The following KIF13A variants were observed in gnomAD, a reference collection of about 807,000 sequenced individuals.
KIF13A encodes kinesin-like protein KIF13A.
A neutral mutation model predicts 212.2 loss-of-function variants in KIF13A; 79 were observed. The ratio of observed to expected loss-of-function variants is 0.37; its 90% confidence interval spans 0.31 to 0.45. The LOEUF (loss-of-function observed/expected upper bound fraction) is 0.45. Among genes scored for constraint, KIF13A ranks in the 20% least tolerant of loss-of-function variants. The pLI is 1.00. For synonymous variants in KIF13A, 789 were observed against 808.6 expected (o/e 0.98, Z 0.41); for missense variants, 1,901 against 2,209.0 (o/e 0.86, Z 2.79).
chr6:17,852,040 C>T lies in KIF13A; in HGVS notation c.497G>A (p.Ser166Asn). The part of the protein sequence containing the change: ...KVRDLLDPKG[S>N]RQSLKVREHK... ...TTCTCGAACTTTAAGAGACTGTCTA[C>T]TCCTGCGGGAGGGAGGAAAAAGGAA... Residue 166 changes from serine to asparagine, a missense_variant and splice_region_variant, in exon 7 of 39, where the codon AGT (serine) becomes AAT (asparagine). This residue lies in a region of KIF13A where 506 missense variants were observed against 637.4 expected (regional missense o/e 0.79). Coordinates refer to ENST00000259711, the MANE Select transcript of KIF13A (RefSeq NM_022113.6). 6.7e-7 allele frequency: 1 copy of T among 1,488,094 alleles called. No individual in the cohort carries two copies. Among genetic ancestry groups the T allele is most frequent in the Non-Finnish European group, 8.9e-7 (1 of 1,117,790 alleles). The allele number at this position is 1,488,094 out of a possible 1,614,324, so 92.2% of individuals were successfully genotyped here. A position where few individuals can be genotyped will look rare whatever the true frequency, so the allele number is the denominator to read the frequency against.
At chr6:17,937,750 T>TG in intron 2 of KIF13A, among the ~76,000 whole-genome samples, 1 of 124,140 alleles carries the variant, frequency 8.1e-6, no homozygotes, top group Non-Finnish European at 1.7e-5. Flanking sequence ...TTTTTTGTTT[T>TG]TTTTTTTTTG....
intron 2 of KIF13A, among the ~76,000 whole-genome samples, chr6:17,923,790 T>C (rs1423060327): frequency 6.6e-6 from 1 of 152,206 alleles, no homozygotes; most frequent in East Asian, 1.9e-4. Flanking sequence ...TTTTCACCAG[T>C]GTCTGAGCTA....
At chr6:17,859,779 G>T (rs1221463638) in intron 4 of KIF13A, among the ~76,000 whole-genome samples, 1 of 151,458 alleles carries the variant, frequency 6.6e-6, no homozygotes, top group Non-Finnish European at 1.5e-5. Context: ...GGGATTACAG[G>T]TATGCAACAC....
chr6:17,848,431 A>G (rs1353088520), intron 9 of KIF13A, among the ~76,000 whole-genome samples: 1 of 151,984 alleles, frequency 6.6e-6, no homozygotes, highest in Non-Finnish European at 1.5e-5. Context: ...GCCCCTAGTA[A>G]CCACTATTCT....
rs769818117 is a variant in KIF13A, at chr6:17,850,382, G to A, written c.658C>T (p.Arg220Cys). 1.9e-6 allele frequency: 3 copies of A among 1,613,810 alleles called. No homozygotes were observed. Among genetic ancestry groups the A allele is most frequent in the South Asian group, 1.1e-5 (1 of 91,066 alleles). Residue 220 changes from arginine to cysteine, a missense_variant, in exon 8 of 39, where the codon CGC (arginine) becomes TGC (cysteine). Transcript: ENST00000259711. The surrounding 1 kb of genome is among the most constrained non-coding windows in gnomAD (Gnocchi z 6.2). The part of the protein sequence containing the change: ...AATNMNEESS[R>C]SHAVFNIIIT... ...ATGATGTTGAACACAGCATGGGAGC[G>A]GCTGCTTTCTTCGTTCATGTTGGTA...
chr6:17,939,922 G>A (rs1776801897), intron 2 of KIF13A, among the ~76,000 whole-genome samples: 1 of 151,636 alleles, frequency 6.6e-6, no homozygotes, highest in East Asian at 1.9e-4. Flanking sequence ...CGCCTATAGT[G>A]CCAGCTACTC....
chr6:17,786,201 A>G lies in KIF13A; in HGVS notation c.3362-560T>C, dbSNP rs1761040183. ...TCTCCTTAACCTGTCAAACAGGGAT[A>G]AAAGAAGTCGTATCTACTTCATGTA... is the stretch of plus-strand genomic sequence containing the variant. On this transcript the variant is annotated intron_variant, in intron 27 of 38. Transcript: ENST00000259711. This position sits in a 1 kb window ranked among gnomAD's most constrained non-coding sequence, Gnocchi z 5.4. Among the ~76,000 whole-genome samples the G allele has an allele frequency of 6.6e-6, 1 of 152,226 alleles. No individual in the cohort carries two copies. The highest frequency in any genetic ancestry group is 2.1e-4 in the South Asian group (1 of 4,830).
chr6:17,813,254 C>T (rs369413761), intron 17 of KIF13A, among the ~76,000 whole-genome samples: 74 of 152,176 alleles, frequency 4.9e-4, no homozygotes, highest in African/African-American at 1.6e-3. Context: ...CTGAGGCGGG[C>T]GGATCACCTG....
intron 2 of KIF13A, among the ~76,000 whole-genome samples, chr6:17,949,156 C>T (rs1354700056): frequency 1.3e-5 from 2 of 152,168 alleles, no homozygotes; most frequent in East Asian, 3.8e-4. Context: ...TACAAATTTG[C>T]ATTAGTCTCC....
rs531470405 is a variant in KIF13A, at chr6:17,809,359, G to A, written c.2001-429C>T. On this transcript the variant is annotated intron_variant, in intron 17 of 38. Transcript: ENST00000259711. This position sits in a 1 kb window ranked among gnomAD's most constrained non-coding sequence, Gnocchi z 4.7. The stretch of plus-strand genomic sequence containing the variant: ...TTCATGACTTCTGCAGTTGGCAAAA[G>A]GCATGCAATGGTAAGGTAGTTCTGC... Among the ~76,000 whole-genome samples the A allele has an allele frequency of 1.3e-5, 2 of 152,242 alleles. No individual in the cohort carries two copies. Among genetic ancestry groups the A allele is most frequent in the South Asian group, 4.1e-4 (2 of 4,822 alleles).
rs1021195393 is a variant in KIF13A at position 17,799,655 on chromosome 6, A to G, written c.2617-216T>C. Among the ~76,000 whole-genome samples, 7 of 152,198 alleles carry G rather than the reference A, an allele frequency of 4.6e-5. No individual in the cohort carries two copies. Among genetic ancestry groups the G allele is most frequent in the Non-Finnish European group, 5.9e-5 (4 of 68,036 alleles). On this transcript the variant is annotated intron_variant, in intron 21 of 38. Coordinates refer to ENST00000259711, the MANE Select transcript of KIF13A (RefSeq NM_022113.6). This position sits in a 1 kb window ranked among gnomAD's most constrained non-coding sequence, Gnocchi z 4.4. ...AGTATATAAACTTGGCAACAAATAC[A>G]CACATTCCTGCAAAAGCTTCCTAAT...
At chr6:17,905,096 T>C (rs907877926) in intron 2 of KIF13A, among the ~76,000 whole-genome samples, 1 of 152,240 alleles carries the variant, frequency 6.6e-6, no homozygotes, top group Non-Finnish European at 1.5e-5. Flanking sequence ...TTTGCAAACT[T>C]TCTTAAAACA....
intron 2 of KIF13A, among the ~76,000 whole-genome samples, chr6:17,948,919 C>T (rs1167144477): frequency 6.6e-6 from 1 of 151,888 alleles, no homozygotes; most frequent in Non-Finnish European, 1.5e-5. Context: ...TATGCAATAG[C>T]GAGTGAGCAT....
chr6:17,974,373 C>T (rs1230366693), intron 2 of KIF13A, among the ~76,000 whole-genome samples: 2 of 152,180 alleles, frequency 1.3e-5, no homozygotes. Flanking sequence ...CCACTGCGCC[C>T]GGCGGGAACC....
chr6:17,907,528 C>T (rs1459015740), intron 2 of KIF13A, among the ~76,000 whole-genome samples: 2 of 151,200 alleles, frequency 1.3e-5, no homozygotes, highest in Admixed American at 1.3e-4. Flanking sequence ...ACAGAGTGAA[C>T]CTCCAAGAAG....
At position 17,926,904 on chromosome 6, in the gene KIF13A, G is replaced by A. The variant is rs752515669; in HGVS notation, c.147-28724C>T. On this transcript the variant is annotated intron_variant, in intron 2 of 38. Transcript: ENST00000259711. This position sits in a 1 kb window ranked among gnomAD's most constrained non-coding sequence, Gnocchi z 4.3. ...TGTAATCTCGGCACTTTGGGAGGTC[G>A]AGGCAGGCAGATCACTTCAGATCAG... Among the ~76,000 whole-genome samples, 3 of 152,090 alleles carry A rather than the reference G, an allele frequency of 2.0e-5. No homozygotes were observed. Among genetic ancestry groups the A allele is most frequent in the East Asian group, 1.9e-4 (1 of 5,188 alleles).
chr6:17,904,304 C>T (rs1265055604), intron 2 of KIF13A, among the ~76,000 whole-genome samples: 1 of 151,390 alleles, frequency 6.6e-6, no homozygotes, highest in East Asian at 1.9e-4. Flanking sequence ...CCCATCTCTG[C>T]TAAAAATACA....
Position 17,849,515 on chromosome 6 carries a change from A to T in KIF13A, c.718-26T>A, listed in dbSNP as rs1246096353. The T allele has an allele frequency of 6.4e-7, 1 of 1,552,804 alleles. No homozygotes were observed. Among genetic ancestry groups the T allele is most frequent in the Middle Eastern group, 1.7e-4 (1 of 5,824 alleles). Reference sequence around the variant, plus strand: ...CTAGTTATAGGAAACGAGAGAGAGAAGAAAAACTTATCAATAAAAACCACA... The same window carrying T: ...CTAGTTATAGGAAACGAGAGAGAGATGAAAAACTTATCAATAAAAACCACA... On this transcript the variant is annotated intron_variant, in intron 8 of 38. Coordinates refer to ENST00000259711, the MANE Select transcript of KIF13A (RefSeq NM_022113.6). The surrounding 1 kb of genome is among the most constrained non-coding windows in gnomAD (Gnocchi z 5.7).
At chr6:17,813,699 G>C (rs1300255575) in intron 17 of KIF13A, among the ~76,000 whole-genome samples, 2 of 152,086 alleles carry the variant, frequency 1.3e-5, no homozygotes, top group Admixed American at 6.6e-5. Flanking sequence ...CCTGTGTTCT[G>C]CATCTCATTG....
Sources: allele counts gnomAD v4.1 joint callset (sites outside exome capture counted in the v4.1 genomes callset), GRCh38; gene constraint gnomAD v4.1.1; regional missense constraint gnomAD v4.1.1; non-coding constraint Gnocchi (gnomAD v3.1); transcripts MANE v1.5; gene names NCBI Gene and HGNC (gene_info 2026-07-23, HGNC 2026-07-21).